PTPRJ: variants seen among roughly 807,000 people sequenced by gnomAD.
PTPRJ encodes the protein receptor-type tyrosine-protein phosphatase eta.
Under a neutral mutation model 141.3 loss-of-function variants are expected in PTPRJ, and 129 were observed. The observed-to-expected ratio is 0.91, with a 90% CI of 0.79 to 1.06. PTPRJ has a LOEUF of 1.06. Ranked by LOEUF, PTPRJ falls within the 50% of genes least tolerant of loss-of-function variation. PTPRJ has a pLI of 0.00. For missense variants in PTPRJ, 1,601 were observed against 1,679.7 expected (o/e 0.95, Z 0.82); for synonymous variants, 610 against 640.5 (o/e 0.95, Z 0.72).
rs1198319031 is a variant in PTPRJ, at chr11:48,146,919, G to A, written c.2955G>A (p.Leu985=). 1 of 1,613,920 alleles carries A rather than the reference G, an allele frequency of 6.2e-7. No homozygotes were observed. Among genetic ancestry groups the A allele is most frequent in the African/African-American group, 1.3e-5 (1 of 74,868 alleles). ...GAVFGCIFGA[L]VIVTVGGFIF... ...TTTTTGGCTGTATCTTTGGTGCCCT[G>A]GTTATTGTGACTGTGGGAGGCTTCA... Residue 985 remains leucine, a synonymous_variant, in exon 15 of 25, where the codon CTG becomes CTA. Coordinates refer to ENST00000418331, the MANE Select transcript of PTPRJ (RefSeq NM_002843.4).
chr11:48,155,753 C>T (rs1857583164), intron 19 of PTPRJ, 48 bp from the exon 20 acceptor site: 4 of 1,452,382 alleles, frequency 2.8e-6, no homozygotes, highest in Non-Finnish European at 2.8e-6. Context: ...TCCAACTTTA[C>T]TAAAACATTT....
At chr11:48,003,793 G>A (rs1161767143) in intron 1 of PTPRJ, among the ~76,000 whole-genome samples, 1 of 152,202 alleles carries the variant, frequency 6.6e-6, no homozygotes. Flanking sequence ...ACCGTGCCCA[G>A]CCAATATTTT....
chr11:48,008,559 A>G (rs1854686287), intron 1 of PTPRJ, among the ~76,000 whole-genome samples: 1 of 135,984 alleles, frequency 7.4e-6, no homozygotes, highest in South Asian at 2.3e-4. Context: ...TGCCTGGCCT[A>G]TTTATTTATT....
In PTPRJ at chr11:47,980,639, G is replaced by C; in HGVS notation, c.-274G>C. The stretch of plus-strand genomic sequence containing the variant: ...ACCGGGTAGCCGCGCGCTGGGGGTG[G>C]GCGCCGCTCGCTCCGCCCCGCGAAG... On this transcript the variant is annotated 5_prime_UTR_variant, in exon 1 of 25. Transcript: ENST00000418331. 2.0e-6 allele frequency: 2 copies of C among 984,202 alleles called. No homozygotes were observed. Among genetic ancestry groups the C allele is most frequent in the Non-Finnish European group, 2.4e-6 (2 of 830,158 alleles). 61.0% of individuals were successfully genotyped at this position (984,202 alleles called of 1,614,324 possible).
chr11:48,029,359 A>G (rs760580725), intron 1 of PTPRJ, among the ~76,000 whole-genome samples: 1 of 152,244 alleles, frequency 6.6e-6, no homozygotes, highest in African/African-American at 2.4e-5. Flanking sequence ...ATGCATTTAC[A>G]TGTTACATAA....
In PTPRJ at chr11:47,980,673, C is replaced by G. The variant is rs1423809786; in HGVS notation, c.-240C>G. The G allele has an allele frequency of 1.0e-6, 1 of 987,274 alleles. No homozygotes were observed. The highest frequency in any genetic ancestry group is 6.2e-5 in the Admixed American group (1 of 16,154). The allele number at this position is 987,274 out of a possible 1,614,324, so 61.2% of individuals were successfully genotyped here. On this transcript the variant is annotated 5_prime_UTR_variant, in exon 1 of 25. Coordinates refer to ENST00000418331, the MANE Select transcript of PTPRJ (RefSeq NM_002843.4). ...CGCTCCGCCCCGCGAAGCCCCTGCGCGCTCAGGGACGCGGCCCCCCCGCGG... is the reference window on the plus strand; with the variant it reads ...CGCTCCGCCCCGCGAAGCCCCTGCGGGCTCAGGGACGCGGCCCCCCCGCGG...
intron 16 of PTPRJ, 55 bp from the exon 17 acceptor site, chr11:48,149,935 A>G: frequency 7.6e-7 from 1 of 1,312,296 alleles, no homozygotes; most frequent in Non-Finnish European, 1.1e-6. Flanking sequence ...TCATTTCTAG[A>G]GTATGAATGA....
intron 1 of PTPRJ, among the ~76,000 whole-genome samples, chr11:48,060,110 C>T (rs536021517): frequency 1.6e-4 from 24 of 152,264 alleles, no homozygotes; most frequent in African/African-American, 5.1e-4. Context: ...AACTGTAATA[C>T]ATCACACTTT....
intron 1 of PTPRJ, among the ~76,000 whole-genome samples, chr11:48,071,899 G>T (rs1484000380): frequency 1.9e-5 from 2 of 105,620 alleles, no homozygotes; most frequent in Admixed American, 1.2e-4. Context: ...ACCACGCCTG[G>T]CCATTTTTTT....
At chr11:48,111,691 A>G (rs117510459) in intron 2 of PTPRJ, among the ~76,000 whole-genome samples, 193 of 152,302 alleles carry the variant, frequency 1.3e-3, no homozygotes, top group Middle Eastern at 3.4e-3. Context: ...TGCGGGAAAC[A>G]GAAATCATGA....
chr11:48,127,490 A>G (rs892702545), intron 6 of PTPRJ, among the ~76,000 whole-genome samples: 1 of 152,214 alleles, frequency 6.6e-6, no homozygotes, highest in Non-Finnish European at 1.5e-5. Flanking sequence ...CTAGGGTAAG[A>G]CATGCATAGA....
intron 1 of PTPRJ, among the ~76,000 whole-genome samples, chr11:48,053,447 A>C (rs1389022522): frequency 8.7e-6 from 1 of 114,446 alleles, no homozygotes; most frequent in African/African-American, 3.4e-5. Context: ...ATTATATATT[A>C]TATACTATAT....
chr11:48,029,397 G>A (rs1853920462), intron 1 of PTPRJ, among the ~76,000 whole-genome samples: 2 of 152,192 alleles, frequency 1.3e-5, no homozygotes, highest in South Asian at 4.1e-4. Flanking sequence ...AAGGCAGAAG[G>A]AAAACAGGGA....
rs200458536 is a variant in PTPRJ, at chr11:48,139,574, T to C, written c.2241T>C (p.Asn747=). 1 of 1,614,232 alleles carries C rather than the reference T, an allele frequency of 6.2e-7. No homozygotes were observed. The highest frequency in any genetic ancestry group is 1.1e-5 in the South Asian group (1 of 91,090). Residue 747 remains asparagine, a synonymous_variant, in exon 11 of 25, where the codon AAT becomes AAC. Coordinates refer to ENST00000418331, the MANE Select transcript of PTPRJ (RefSeq NM_002843.4). ...AATGGACCTGCCCTCCTGGCGCCAA[T>C]GCAGGCTTTGAGCTGGAGGTCAGCA... ...VLKWTCPPGA[N]AGFELEVSSG... is the part of the protein sequence containing the mutation.
intron 1 of PTPRJ, among the ~76,000 whole-genome samples, chr11:48,044,603 A>G (rs1269186961): frequency 6.6e-6 from 1 of 152,196 alleles, no homozygotes; most frequent in Non-Finnish European, 1.5e-5. Context: ...GTGGTTCTGT[A>G]TACCCCATTT....
chr11:48,149,537 G>C, intron 16 of PTPRJ, 49 bp downstream of exon 16: 4 of 1,186,328 alleles, frequency 3.4e-6, no homozygotes. Context: ...CAATCTGTTC[G>C]GTGACTATCT....
chr11:48,077,428 CTT>C (rs1438859482), intron 1 of PTPRJ, among the ~76,000 whole-genome samples: 2 of 152,118 alleles, frequency 1.3e-5, no homozygotes, highest in Non-Finnish European at 2.9e-5. Context: ...CTTTGATGCT[CTT>C]GTTTGTTGAC....
At chr11:48,046,103 G>C (rs1854386556) in intron 1 of PTPRJ, 1 of 152,216 alleles carries the variant, frequency 6.6e-6, no homozygotes, top group African/African-American at 2.4e-5. Context: ...GTGGAGTGCA[G>C]TGGTGCAATC....
chr11:48,164,389 C>T lies in PTPRJ; in HGVS notation c.3729C>T (p.Val1243=), dbSNP rs141257303. 5.5e-5 allele frequency: 88 copies of T among 1,613,662 alleles called. No individual in the cohort carries two copies. Among genetic ancestry groups the T allele is most frequent in the African/African-American group, 4.0e-4 (30 of 74,844 alleles). The stretch of plus-strand genomic sequence containing the variant: ...TTCTCTTTTCTCTCAGTGCTGGGGT[C>T]GGAAGGACGGGCACTTTCATTGCCA... ...SPILVHCSAG[V]GRTGTFIAID... The change falls in exon 24 of 25, where the codon GTC becomes GTT. Residue 1243 remains valine, a synonymous_variant. Coordinates refer to ENST00000418331, the MANE Select transcript of PTPRJ (RefSeq NM_002843.4).
Sources: allele counts gnomAD v4.1 joint callset (sites outside exome capture counted in the v4.1 genomes callset), GRCh38; gene constraint gnomAD v4.1.1; transcripts MANE v1.5; gene names NCBI Gene and HGNC (gene_info 2026-07-23, HGNC 2026-07-21).